The following KIAA0825 variants were observed in gnomAD, a reference collection of about 807,000 sequenced individuals.
KIAA0825 encodes KIAA0825.
A neutral mutation model predicts 147.6 loss-of-function variants in KIAA0825; 119 were observed. That is an observed-to-expected ratio of 0.81 (90% CI 0.69 to 0.94). The LOEUF is 0.94. KIAA0825 is among the 40% of genes least tolerant of loss of function. The pLI, the probability that KIAA0825 is intolerant of heterozygous loss-of-function variation, is 0.00. For missense variants in KIAA0825, 1,381 were observed against 1,472.7 expected (o/e 0.94, Z 1.02); for synonymous variants, 470 against 518.1 (o/e 0.91, Z 1.26).
intron 20 of KIAA0825, among the ~76,000 whole-genome samples, chr5:94,333,463 A>G (rs904729836): frequency 1.3e-5 from 2 of 152,144 alleles, no homozygotes; most frequent in Non-Finnish European, 2.9e-5. Flanking sequence ...CAGTTTTCCC[A>G]ACATCTTTAT....
chr5:94,187,591 TA>T (rs1770258479), intron 20 of KIAA0825, among the ~76,000 whole-genome samples: 1 of 151,872 alleles, frequency 6.6e-6, no homozygotes, highest in African/African-American at 2.4e-5. Context: ...CACGTCTGGC[TA>T]ATTTTTGTAT....
At chr5:94,207,797 TCAAA>T (rs150057988) in intron 20 of KIAA0825, among the ~76,000 whole-genome samples, 1 of 152,320 alleles carries the variant, frequency 6.6e-6, no homozygotes, top group African/African-American at 2.4e-5. Flanking sequence ...GGGCTCGCAG[TCAAA>T]CACTTCTTTA....
At chr5:94,565,415 C>T (rs1015903079) in intron 2 of KIAA0825, among the ~76,000 whole-genome samples, 3 of 149,710 alleles carry the variant, frequency 2.0e-5, no homozygotes, top group South Asian at 4.2e-4. Flanking sequence ...AATCTCAGCT[C>T]ACCGCAACCT....
intron 12 of KIAA0825, among the ~76,000 whole-genome samples, chr5:94,459,974 T>A (rs888794880): frequency 6.6e-6 from 1 of 152,136 alleles, no homozygotes; most frequent in Non-Finnish European, 1.5e-5. Context: ...TTGCTCATTG[T>A]TGTATCCCTT....
chr5:94,220,210 A>T (rs1263195519), intron 20 of KIAA0825, among the ~76,000 whole-genome samples: 2 of 152,194 alleles, frequency 1.3e-5, no homozygotes, highest in African/African-American at 4.8e-5. Flanking sequence ...ACAGGGTCAG[A>T]GTCATCAATA....
chr5:94,433,393 G>T (rs1220431013), intron 14 of KIAA0825, among the ~76,000 whole-genome samples: 2 of 152,144 alleles, frequency 1.3e-5, no homozygotes, highest in Non-Finnish European at 2.9e-5. Flanking sequence ...ATTTTCTCTA[G>T]ATATTTTTCT....
At chr5:94,204,453 T>G (rs1037672268) in intron 20 of KIAA0825, among the ~76,000 whole-genome samples, 10 of 152,184 alleles carry the variant, frequency 6.6e-5, no homozygotes, top group African/African-American at 2.2e-4. Context: ...CATTCGATTC[T>G]TTGTGAGTCC....
intron 20 of KIAA0825, among the ~76,000 whole-genome samples, chr5:94,242,797 T>C (rs1775417785): frequency 6.6e-6 from 1 of 152,074 alleles, no homozygotes; most frequent in Non-Finnish European, 1.5e-5. Flanking sequence ...GGCTAATTTT[T>C]GTATTTTTAG....
intron 5 of KIAA0825, among the ~76,000 whole-genome samples, chr5:94,486,689 C>T: frequency 6.6e-6 from 1 of 152,256 alleles, no homozygotes; most frequent in Non-Finnish European, 1.5e-5. Flanking sequence ...GCAGCATATA[C>T]AACTAAGGCT....
At chr5:94,598,017 G>A (rs148815315) in intron 1 of KIAA0825, among the ~76,000 whole-genome samples, 1,827 of 152,178 alleles carry the variant, frequency 0.012, 34 homozygotes, top group African/African-American at 0.042. Flanking sequence ...GGACATTACT[G>A]AACACTACTG....
chr5:94,293,870 C>G (rs549033165), intron 20 of KIAA0825, among the ~76,000 whole-genome samples: 1 of 152,022 alleles, frequency 6.6e-6, no homozygotes, highest in South Asian at 2.1e-4. Flanking sequence ...ATGTAATGCC[C>G]TTCTTTGTCT....
intron 20 of KIAA0825, among the ~76,000 whole-genome samples, chr5:94,262,245 T>A (rs1460608695): frequency 1.3e-5 from 2 of 152,074 alleles, no homozygotes; most frequent in Non-Finnish European, 2.9e-5. Context: ...ATTAGATATT[T>A]TTAACCTATC....
At chr5:94,455,994 C>A (rs1455866378) in intron 12 of KIAA0825, among the ~76,000 whole-genome samples, 2 of 152,014 alleles carry the variant, frequency 1.3e-5, no homozygotes, top group Admixed American at 6.6e-5. Flanking sequence ...CATGCCACTG[C>A]AAGAGAGCTA....
chr5:94,211,651 C>T (rs896754651), intron 20 of KIAA0825, among the ~76,000 whole-genome samples: 2 of 152,104 alleles, frequency 1.3e-5, no homozygotes, highest in African/African-American at 2.4e-5. Context: ...ATCTATCTTC[C>T]GTATACTTTG....
intron 20 of KIAA0825, among the ~76,000 whole-genome samples, chr5:94,302,136 C>T (rs1472849693): frequency 6.6e-6 from 1 of 152,048 alleles, no homozygotes; most frequent in Non-Finnish European, 1.5e-5. Context: ...CTCAATTATA[C>T]CAAGTCTTTC....
At chr5:94,319,189 C>G (rs1424475655) in intron 20 of KIAA0825, among the ~76,000 whole-genome samples, 2 of 151,828 alleles carry the variant, frequency 1.3e-5, no homozygotes, top group Admixed American at 6.6e-5. Flanking sequence ...ATCACTCCCT[C>G]TCTCCCTGAG....
Position 94,616,374 on chromosome 5 carries a change from C to T in KIAA0825, c.-153+2126G>A, listed in dbSNP as rs987304133. On this transcript the variant is annotated intron_variant, in intron 1 of 20. Coordinates refer to ENST00000682413, the MANE Select transcript of KIAA0825 (RefSeq NM_001145678.3). ...ATATAGAATTGGGTATTGGGATGGG[C>T]AGGTTTAATAAAGCATATTCCTGAA... 3.9e-5 allele frequency among the ~76,000 whole-genome samples: 6 copies of T among 152,204 alleles called. No individual in the cohort carries two copies. In the East Asian group the frequency reaches 1.2e-3, roughly 29 times the overall value.
intron 20 of KIAA0825, among the ~76,000 whole-genome samples, chr5:94,266,735 A>G (rs1776752820): frequency 6.6e-6 from 1 of 152,160 alleles, no homozygotes; most frequent in South Asian, 2.1e-4. Flanking sequence ...CGGGAAATAC[A>G]GTTTTTTTTT....
At chr5:94,377,513 C>T (rs1747755341) in intron 20 of KIAA0825, among the ~76,000 whole-genome samples, 1 of 152,178 alleles carries the variant, frequency 6.6e-6, no homozygotes, top group Non-Finnish European at 1.5e-5. Context: ...CAAATGCAAT[C>T]ACCATCTCAT....
Sources: gnomAD v4.1 joint callset for allele counts (sites outside exome capture counted in the v4.1 genomes callset) on GRCh38, gnomAD v4.1.1 for gene constraint, MANE v1.5 for transcripts, NCBI Gene and HGNC (gene_info 2026-07-23, HGNC 2026-07-21) for gene names.